MIOX: variants seen among roughly 807,000 people sequenced by gnomAD.
MIOX encodes myo-inositol oxygenase.
Under a neutral mutation model 42.7 loss-of-function variants are expected in MIOX, and 51 were observed. The ratio of observed to expected loss-of-function variants is 1.19; its 90% CI spans 0.95 to 1.51. The LOEUF is 1.51. Among genes scored for constraint, MIOX ranks in the 40% most tolerant of loss-of-function variants. The pLI is 0.00. For missense variants in MIOX, 395 were observed against 381.3 expected, an observed-to-expected ratio of 1.04 and a Z score of -0.30; for synonymous variants, 168 against 154.4, an observed-to-expected ratio of 1.09 and a Z score of -0.65.
In MIOX at chr22:50,489,152, G is replaced by A. The variant is rs1375446230; in HGVS notation, c.518+3G>A. ...GACCTCCAGGATCCTCGATACAGGT[G>A]CTCCCTGCTGCTGAGGGCTGGGCCC... On this transcript the variant is annotated splice_donor_region_variant and intron_variant, in intron 6 of 9. Transcript: ENST00000216075. 1.9e-5 allele frequency: 30 copies of A among 1,612,860 alleles called. No homozygotes were observed. The highest frequency in any genetic ancestry group is 2.5e-5 in the Non-Finnish European group (29 of 1,179,836).
At chr22:50,489,375 T>C in intron 7 of MIOX, 22 bp from the exon 8 acceptor site, 3 of 1,555,728 alleles carry the variant, frequency 1.9e-6, no homozygotes, top group East Asian at 4.7e-5. Context: ...CAGTGCCTGC[T>C]GGTGACACCC....
At chr22:50,488,549 C>T (rs1416659414) in intron 5 of MIOX, among the ~76,000 whole-genome samples, 3 of 123,792 alleles carry the variant, frequency 2.4e-5, no homozygotes, top group Non-Finnish European at 3.6e-5. Context: ...CCCACGGCCC[C>T]CCCCACGGCT....
At position 50,489,265 on chromosome 22, in the gene MIOX, G is replaced by T; in HGVS notation, c.556G>T (p.Asp186Tyr). The change falls in exon 7 of 10, where the codon GAC becomes TAC. Residue 186 changes from aspartate (D) to tyrosine (Y), a missense_variant. Asp to Tyr is a radical substitution (Grantham distance 160). Coordinates refer to ENST00000216075, the MANE Select transcript of MIOX (RefSeq NM_017584.6). ...LGMYQPHCGL[D>Y]RVLMSWGHDE... ...GATGTATCAGCCCCACTGTGGGCTC[G>T]ACAGGGTCCTCATGTCCTGGGGCCA... 1 of 1,601,316 alleles carries T rather than the reference G, an allele frequency of 6.2e-7. No homozygotes were observed.
intron 2 of MIOX, 25 bp from the exon 3 acceptor site, chr22:50,487,637 G>C (rs370588365): frequency 1.2e-6 from 2 of 1,606,332 alleles, no homozygotes; most frequent in African/African-American, 2.7e-5. Context: ...GGTGGGGGTG[G>C]CGCCACTGAC....
At chr22:50,488,908 C>G in intron 5 of MIOX, 132 bp from the exon 6 acceptor site, 3 of 576,900 alleles carry the variant, frequency 5.2e-6, no homozygotes, top group Non-Finnish European at 6.0e-6. Context: ...CTGCAGTGGG[C>G]AGTCATCGGT....
chr22:50,489,575 C>T lies in MIOX; in HGVS notation c.680C>T (p.Thr227Met), dbSNP rs771073069. The part of the protein sequence containing the change: ...IRFHSFYPWH[T>M]GRDYQQLCSQ... ...TTCCACTCCTTCTACCCCTGGCACA[C>T]GGGCCGCGACTACCAGCAGCTGTGC... is the stretch of plus-strand genomic sequence containing the variant. The change falls in exon 9 of 10, where the codon ACG (threonine) becomes ATG (methionine). Residue 227 changes from threonine (T) to methionine (M), a missense_variant. Transcript: ENST00000216075. 19 of 1,612,432 alleles carry T rather than the reference C, an allele frequency of 1.2e-5. No homozygotes were observed. Among genetic ancestry groups the T allele is most frequent in the South Asian group, 9.9e-5 (9 of 91,076 alleles).
chr22:50,488,767 C>CTG (rs1569516508), intron 5 of MIOX, among the ~76,000 whole-genome samples: 3 of 91,474 alleles, frequency 3.3e-5, no homozygotes, highest in Admixed American at 1.5e-4. Context: ...TCCTGTCCCT[C>CTG]CTGTCCCTCC....
Position 50,489,282 on chromosome 22 carries a change from C to A in MIOX, c.573C>A (p.Ser191=), listed in dbSNP as rs1556449955. The A allele has an allele frequency of 7.0e-7, 1 of 1,436,086 alleles. No homozygotes were observed. The highest frequency in any genetic ancestry group is 1.9e-5 in the Admixed American group (1 of 51,484). The allele number at this position is 1,436,086 out of a possible 1,614,324, so 89.0% of individuals were successfully genotyped here. Residue 191 remains serine (S), a synonymous_variant, in exon 7 of 10, where the codon TCC becomes TCA. Transcript: ENST00000216075. ...GTGGGCTCGACAGGGTCCTCATGTC[C>A]TGGGGCCATGATGGTGAGGCCAGAG... The part of the protein sequence containing the change: ...PHCGLDRVLM[S]WGHDEYMYQV...
chr22:50,488,425 A>G, intron 5 of MIOX, 83 bp downstream of exon 5: 1 of 1,188,902 alleles, frequency 8.4e-7, no homozygotes, highest in Non-Finnish European at 1.2e-6. Context: ...GGCCTGGGAT[A>G]CTACCTGGGG....
rs1419389291 is a variant in MIOX, at chr22:50,489,910, G to A, written c.*54G>A. On this transcript the variant is annotated 3_prime_UTR_variant, in exon 10 of 10. Transcript: ENST00000216075. ...CCTAGGCCTGGCCCTCCGCCTGCCTGGAGAGGCCTGGCCCTGGGCAAACAG... is the reference window on the plus strand; with the variant it reads ...CCTAGGCCTGGCCCTCCGCCTGCCTAGAGAGGCCTGGCCCTGGGCAAACAG... The A allele has an allele frequency of 3.3e-6, 5 of 1,531,350 alleles. No homozygotes were observed. The East Asian group carries it at 9.0e-5, about 28-fold the overall frequency. 94.9% of individuals were successfully genotyped at this position (1,531,350 alleles called of 1,614,324 possible).
In MIOX at chr22:50,486,869, T is replaced by A. The variant is rs114867440; in HGVS notation, c.-29T>A. The stretch of plus-strand genomic sequence containing the variant: ...GAGGACACACTCGCCAGCCTGTGCT[T>A]TGCCACCTGAGCGCCGCTCCCTCTC... On this transcript the variant is annotated 5_prime_UTR_variant, in exon 1 of 10. In the 5' UTR this introduces an upstream ATG that the reference lacks. Transcript: ENST00000216075. 1.9e-6 allele frequency: 3 copies of A among 1,613,934 alleles called. No homozygotes were observed. The African/African-American group carries it at 4.0e-5, about 22-fold the overall frequency.
At chr22:50,488,822 CTGTCCCTCTG>C (rs1347837598) in intron 5 of MIOX, among the ~76,000 whole-genome samples, 2 of 81,036 alleles carry the variant, frequency 2.5e-5, no homozygotes, top group African/African-American at 4.5e-5. Context: ...CCCATCCCTC[CTGTCCCTCTG>C]CAGTGGGCAG....
Position 50,490,117 on chromosome 22 carries a change from G to A in MIOX, c.*261G>A. The A allele has an allele frequency of 1.9e-6, 1 of 521,204 alleles. No homozygotes were observed. The highest frequency in any genetic ancestry group is 3.5e-6 in the Non-Finnish European group (1 of 286,064). 32.3% of individuals were successfully genotyped at this position (521,204 alleles called of 1,614,324 possible). A position where few individuals can be genotyped will look rare whatever the true frequency, so the allele number is the denominator to read the frequency against. On this transcript the variant is annotated 3_prime_UTR_variant, in exon 10 of 10. Transcript: ENST00000216075. ...GAGGGATGGTGCCAGCAGGGTGGAG[G>A]CCAAGTCCCAGGCTTTCAGGTGTGT...
chr22:50,487,301 A>G, intron 1 of MIOX, 84 bp from the exon 2 acceptor site: 2 of 1,167,548 alleles, frequency 1.7e-6, no homozygotes, highest in Non-Finnish European at 2.5e-6. Context: ...GCAGGCTTGG[A>G]GTCTGCAGCC....
intron 2 of MIOX, 95 bp downstream of exon 2, chr22:50,487,560 A>T (rs2068285932): frequency 1.3e-6 from 2 of 1,536,564 alleles, no homozygotes; most frequent in African/African-American, 2.7e-5. Context: ...GCCCTGTGGG[A>T]ACTCCCACCC....
chr22:50,488,019 A>C lies in MIOX; in HGVS notation c.311A>C (p.Glu104Ala), dbSNP rs1452964312. ...TCCTTCCATGCCTTCCAGACAGCGG[A>C]GGGCATCCGGAAGGCCCACCCAGAC... Reference protein sequence around the residue: ...PNSFHAFQTAEGIRKAHPDKD... With the variant: ...PNSFHAFQTAAGIRKAHPDKD... Residue 104 changes from glutamate to alanine, a missense_variant, in exon 4 of 10, where the codon GAG becomes GCG. By Grantham distance (107) the Glu-to-Ala change is moderately radical (BLOSUM62 -1). Coordinates refer to ENST00000216075, the MANE Select transcript of MIOX (RefSeq NM_017584.6). 6.2e-7 allele frequency: 1 copy of C among 1,613,792 alleles called. No homozygotes were observed.
Sources: allele counts gnomAD v4.1 joint callset (sites outside exome capture counted in the v4.1 genomes callset), GRCh38; gene constraint gnomAD v4.1.1; transcripts MANE v1.5; gene names NCBI Gene and HGNC (gene_info 2026-07-23, HGNC 2026-07-21).